Variants in ZNF385D observed in about 807,000 individuals in gnomAD.
ZNF385D encodes zinc finger protein 659.
ZNF385D carries 15 observed loss-of-function variants against 35.8 expected under a neutral mutation model. The ratio of observed to expected loss-of-function variants is 0.42; its 90% CI spans 0.28 to 0.64. The LOEUF (loss-of-function observed/expected upper bound fraction) is 0.64, where lower values mean the gene tolerates loss of function less well. Among genes scored for constraint, ZNF385D ranks in the 30% least tolerant of loss-of-function variants. The pLI, the probability that ZNF385D is intolerant of heterozygous loss-of-function variation, is 0.23. For synonymous variants in ZNF385D, 212 were observed against 186.8 expected, an observed-to-expected ratio of 1.13 and a Z score of -1.10; for missense variants, 474 against 494.6, an observed-to-expected ratio of 0.96 and a Z score of 0.39.
intron 3 of ZNF385D, among the ~76,000 whole-genome samples, chr3:21,909,433 A>G (rs1320274313): frequency 6.6e-6 from 1 of 152,110 alleles, no homozygotes; most frequent in East Asian, 1.9e-4. Context: ...ATAACATCAG[A>G]GAAGCCTGTT....
chr3:22,155,386 AT>A (rs1261701144), intron 3 of ZNF385D, among the ~76,000 whole-genome samples: 1 of 151,926 alleles, frequency 6.6e-6, no homozygotes, highest in Non-Finnish European at 1.5e-5. Context: ...TACTCTTAAG[AT>A]TTTTTTCTGG....
chr3:21,871,721 C>T (rs1288564977), intron 3 of ZNF385D, among the ~76,000 whole-genome samples: 1 of 152,084 alleles, frequency 6.6e-6, no homozygotes, highest in Admixed American at 6.6e-5. Context: ...AAAAATTACT[C>T]CAGGCCGGGC....
intron 3 of ZNF385D, among the ~76,000 whole-genome samples, chr3:22,094,774 A>C (rs538694381): frequency 2.4e-4 from 36 of 152,106 alleles, no homozygotes; most frequent in Admixed American, 1.2e-3. Flanking sequence ...ATGCTGTCAC[A>C]GATCTTTAAA....
At chr3:22,041,555 A>T (rs1320784225) in intron 3 of ZNF385D, among the ~76,000 whole-genome samples, 1 of 152,198 alleles carries the variant, frequency 6.6e-6, no homozygotes, top group African/African-American at 2.4e-5. Context: ...TACTATTAAA[A>T]ATCTCTTGGG....
At chr3:22,215,541 C>T (rs1367344348) in intron 2 of ZNF385D, among the ~76,000 whole-genome samples, 1 of 151,976 alleles carries the variant, frequency 6.6e-6, no homozygotes, top group Non-Finnish European at 1.5e-5. Context: ...CAAGGAAATT[C>T]CCGCCTAATA....
In ZNF385D at chr3:21,706,820, AT is replaced by A. The variant is rs1478245422; in HGVS notation, c.23-41793del. Among the ~76,000 whole-genome samples the A allele has an allele frequency of 3.0e-3, 122 of 41,004 alleles. 2 individuals carry two copies. The highest frequency in any genetic ancestry group is 2.5e-3 in the Non-Finnish European group (41 of 16,734). The allele number at this position is 41,004 out of a possible 152,430, so 26.9% of individuals were successfully genotyped here. On this transcript the variant is annotated intron_variant, in intron 1 of 7. Coordinates refer to ENST00000281523, the MANE Select transcript of ZNF385D (RefSeq NM_024697.3). ...TAGACACAAAGATAATAGATGATAG[AT>A]AGATAGATAGATAGATAGATAGATA...
intron 3 of ZNF385D, among the ~76,000 whole-genome samples, chr3:22,145,073 TATC>T (rs1380207482): frequency 6.6e-6 from 1 of 151,618 alleles, no homozygotes; most frequent in Non-Finnish European, 1.5e-5. Flanking sequence ...ACTACATACT[TATC>T]AGCAGTACTC....
intron 3 of ZNF385D, among the ~76,000 whole-genome samples, chr3:21,871,115 T>C (rs1038987374): frequency 6.6e-6 from 1 of 152,140 alleles, no homozygotes; most frequent in Non-Finnish European, 1.5e-5. Context: ...AGTACAACTC[T>C]CTTGCTTGCT....
intron 3 of ZNF385D, among the ~76,000 whole-genome samples, chr3:21,778,377 G>A (rs1230997508): frequency 6.6e-6 from 1 of 151,862 alleles, no homozygotes; most frequent in East Asian, 1.9e-4. Flanking sequence ...ATCCCTACCC[G>A]CAGAGATACA....
At chr3:21,746,828 C>T (rs1329329711) in intron 1 of ZNF385D, among the ~76,000 whole-genome samples, 1 of 152,152 alleles carries the variant, frequency 6.6e-6, no homozygotes, top group African/African-American at 2.4e-5. Context: ...CTGATCGTTT[C>T]CTTCCTCATA....
At chr3:22,015,163 G>C (rs1559849968) in intron 3 of ZNF385D, among the ~76,000 whole-genome samples, 1 of 152,054 alleles carries the variant, frequency 6.6e-6, no homozygotes, top group Non-Finnish European at 1.5e-5. Context: ...GCCAATTACA[G>C]AATTCAGTTT....
At chr3:22,353,289 T>G (rs1250479907) in intron 2 of ZNF385D, among the ~76,000 whole-genome samples, 1 of 152,194 alleles carries the variant, frequency 6.6e-6, no homozygotes, top group Non-Finnish European at 1.5e-5. Flanking sequence ...AAGCACAGGC[T>G]GTGCCCTTGG....
intron 2 of ZNF385D, among the ~76,000 whole-genome samples, chr3:22,270,676 T>G (rs1359088680): frequency 6.6e-6 from 1 of 152,006 alleles, no homozygotes; most frequent in South Asian, 2.1e-4. Context: ...TTATTTGCTT[T>G]CCTTACAGTA....
chr3:21,457,357 T>C (rs892051678), intron 4 of ZNF385D, among the ~76,000 whole-genome samples: 1 of 151,852 alleles, frequency 6.6e-6, no homozygotes, highest in Admixed American at 6.6e-5. Flanking sequence ...GTTGTTGTTG[T>C]TGTTGTTGTT....
intron 3 of ZNF385D, among the ~76,000 whole-genome samples, chr3:22,034,486 G>A (rs1698194457): frequency 1.3e-5 from 2 of 152,046 alleles, no homozygotes; most frequent in South Asian, 4.1e-4. Context: ...TTGTAAATTT[G>A]ATCTCAAAAA....
rs10627614 is a variant in ZNF385D, at chr3:22,066,461, C to CGTGTGTGTGTGTGTGTGT, written c.325+102338_325+102355dup. On this transcript the variant is annotated intron_variant, in intron 3 of 5. Coordinates refer to the ZNF385D transcript ENST00000494108. ...AAAGATACTGGGTGAGATGGTTCCC[C>CGTGTGTGTGTGTGTGTGT]GTGTGTGTGTGTGTGTGTGTGTGTG... 9.4e-4 allele frequency among the ~76,000 whole-genome samples: 92 copies of CGTGTGTGTGTGTGTGTGT among 98,188 alleles called. 5 individuals are homozygous for CGTGTGTGTGTGTGTGTGT. The highest frequency in any genetic ancestry group is 2.3e-3 in the South Asian group (6 of 2,582). 64.4% of individuals were successfully genotyped at this position (98,188 alleles called of 152,430 possible). A position where few individuals can be genotyped will look rare whatever the true frequency, so the allele number is the denominator to read the frequency against.
intron 1 of ZNF385D, among the ~76,000 whole-genome samples, chr3:21,721,040 C>G (rs6550621): frequency 0.21 from 31,911 of 152,040 alleles, 3,503 homozygotes; most frequent in Admixed American, 0.32. Context: ...CATATCCTTT[C>G]TTATCAAAAG....
intron 3 of ZNF385D, among the ~76,000 whole-genome samples, chr3:21,876,358 C>A (rs1187755446): frequency 6.6e-6 from 1 of 151,246 alleles, no homozygotes; most frequent in African/African-American, 2.4e-5. Flanking sequence ...TGGATATAAT[C>A]ATTTTGGGAT....
At chr3:22,234,142 A>C (rs1413476115) in intron 2 of ZNF385D, among the ~76,000 whole-genome samples, 1 of 152,124 alleles carries the variant, frequency 6.6e-6, no homozygotes, top group Non-Finnish European at 1.5e-5. Flanking sequence ...TAAATGCATT[A>C]TTTGGGATTT....
Sources: allele counts gnomAD v4.1 joint callset (sites outside exome capture counted in the v4.1 genomes callset), GRCh38; gene constraint gnomAD v4.1.1; transcripts MANE v1.5; gene names NCBI Gene and HGNC (gene_info 2026-07-23, HGNC 2026-07-21).